The following SIK3 variants were observed in gnomAD, a reference collection of about 807,000 sequenced individuals.
SIK3 encodes the protein SIK family kinase 3.
In SIK3, 28 loss-of-function variants were observed where a neutral mutation model predicts 144.2. The observed-to-expected ratio is 0.19, with a 90% confidence interval of 0.14 to 0.27. The LOEUF is 0.27. Ranked by LOEUF, SIK3 falls within the 10% of genes least tolerant of loss-of-function variation. SIK3 has a pLI of 1.00. For missense variants in SIK3, 1,319 were observed against 1,776.0 expected, an observed-to-expected ratio of 0.74 and a Z score of 4.62; for synonymous variants, 686 against 676.3, an observed-to-expected ratio of 1.01 and a Z score of -0.22.
At chr11:117,032,543 A>T (rs1952307528) in intron 1 of SIK3, among the ~76,000 whole-genome samples, 1 of 152,082 alleles carries the variant, frequency 6.6e-6, no homozygotes, top group Admixed American at 6.6e-5. Flanking sequence ...TCTGTTGCCC[A>T]GGCTCCTGGC....
intron 1 of SIK3, among the ~76,000 whole-genome samples, chr11:117,019,772 C>T (rs138975985): frequency 0.07 from 10,716 of 152,008 alleles, 671 homozygotes; most frequent in African/African-American, 0.17. Context: ...TGCCACCACG[C>T]CCGGCTAATT....
At position 116,849,365 on chromosome 11, in the gene SIK3, A is replaced by G. The variant is rs1171231835; in HGVS notation, c.3656-82T>C. 7.8e-6 allele frequency: 12 copies of G among 1,541,270 alleles called. No homozygotes were observed. The stretch of plus-strand genomic sequence containing the variant: ...ACTCCCATCCAAGAAATGTCTTGCA[A>G]GGGACAATGGGCAAGGCTGAGGAGA... On this transcript the variant is annotated intron_variant, in intron 21 of 24. Transcript: ENST00000445177. This position sits in a 1 kb window ranked among gnomAD's most constrained non-coding sequence, Gnocchi z 4.2.
At chr11:116,863,279 T>A in intron 16 of SIK3, among the ~76,000 whole-genome samples, 1 of 152,024 alleles carries the variant, frequency 6.6e-6, no homozygotes, top group Non-Finnish European at 1.5e-5. Flanking sequence ...TAAGACAGAG[T>A]CTCGTTCTGT....
chr11:116,965,760 T>C (rs747072836), intron 1 of SIK3, among the ~76,000 whole-genome samples: 1 of 61,326 alleles, frequency 1.6e-5, no homozygotes, highest in Non-Finnish European at 4.1e-5. Context: ...TATATATATA[T>C]ATATATATAT....
At chr11:116,983,206 G>A (rs10128690) in intron 1 of SIK3, among the ~76,000 whole-genome samples, 10,437 of 145,396 alleles carry the variant, frequency 0.072, 445 homozygotes, top group Middle Eastern at 0.11. Flanking sequence ...CAGCCTGGGC[G>A]ACAGAGCGAG....
intron 4 of SIK3, among the ~76,000 whole-genome samples, chr11:116,901,095 C>T (rs916900322): frequency 1.3e-5 from 2 of 152,172 alleles, no homozygotes; most frequent in Non-Finnish European, 2.9e-5. Flanking sequence ...GAACTCCCGA[C>T]ATCAGGTGAT....
chr11:117,060,003 T>G (rs767992079), intron 1 of SIK3, among the ~76,000 whole-genome samples: 1 of 152,210 alleles, frequency 6.6e-6, no homozygotes, highest in Non-Finnish European at 1.5e-5. Flanking sequence ...TCTTTGGTAT[T>G]TAGCCAAATG....
chr11:117,052,735 T>C (rs1283444010), intron 1 of SIK3, among the ~76,000 whole-genome samples: 3 of 152,218 alleles, frequency 2.0e-5, no homozygotes, highest in East Asian at 3.8e-4. Context: ...CTACATGCTG[T>C]CAGTTACAAT....
At chr11:117,033,975 G>A (rs1455179558) in intron 1 of SIK3, among the ~76,000 whole-genome samples, 1 of 151,946 alleles carries the variant, frequency 6.6e-6, no homozygotes, top group Non-Finnish European at 1.5e-5. Context: ...TTTATGACAA[G>A]AAAAATAATC....
chr11:116,929,566 G>A (rs1020005602), intron 3 of SIK3, among the ~76,000 whole-genome samples: 2 of 152,214 alleles, frequency 1.3e-5, no homozygotes, highest in Non-Finnish European at 2.9e-5. Flanking sequence ...GCCAGAAGCT[G>A]CTGGAATGCA....
intron 1 of SIK3, among the ~76,000 whole-genome samples, chr11:117,018,823 T>C (rs1408444949): frequency 1.3e-5 from 2 of 152,072 alleles, no homozygotes; most frequent in African/African-American, 4.8e-5. Flanking sequence ...GTGATTCTCC[T>C]GCCTCAGCCT....
At chr11:117,034,985 C>G (rs1952431277) in intron 1 of SIK3, among the ~76,000 whole-genome samples, 1 of 152,194 alleles carries the variant, frequency 6.6e-6, no homozygotes, top group Non-Finnish European at 1.5e-5. Flanking sequence ...TGTTTTACAA[C>G]TGCAAATAAT....
intron 1 of SIK3, among the ~76,000 whole-genome samples, chr11:117,050,462 G>T (rs1953187386): frequency 6.6e-6 from 1 of 152,082 alleles, no homozygotes; most frequent in Non-Finnish European, 1.5e-5. Flanking sequence ...GAGGCGGGCA[G>T]ATCACTTGAG....
chr11:116,931,158 C>G (rs917822090), intron 3 of SIK3, among the ~76,000 whole-genome samples: 6 of 152,194 alleles, frequency 3.9e-5, no homozygotes, highest in Non-Finnish European at 8.8e-5. Flanking sequence ...GTAAGTGACA[C>G]TAAGAGATTT....
chr11:116,897,448 A>G, intron 4 of SIK3, 131 bp from the exon 5 acceptor site: 1 of 768,832 alleles, frequency 1.3e-6, no homozygotes, highest in Non-Finnish European at 2.1e-6. Context: ...ACATTTAGAA[A>G]CCACATAGCC....
chr11:116,990,475 C>A (rs1950465065), intron 1 of SIK3, among the ~76,000 whole-genome samples: 1 of 152,164 alleles, frequency 6.6e-6, no homozygotes, highest in Non-Finnish European at 1.5e-5. Flanking sequence ...CAAATCTGAA[C>A]TCAGAATACG....
chr11:116,846,718 T>C lies in SIK3; in HGVS notation c.3953-165A>G, dbSNP rs1203630302. On this transcript the variant is annotated intron_variant, in intron 23 of 24. Transcript: ENST00000445177. The surrounding 1 kb of genome is among the most constrained non-coding windows in gnomAD (Gnocchi z 4.1). ...AGGCCCTCAAGGTGTTGAGTGACGA[T>C]GGGCGGGGGCCAAGATTCTTCCTAT... Among the ~76,000 whole-genome samples, 1 of 152,220 alleles carries C rather than the reference T, an allele frequency of 6.6e-6. No individual in the cohort carries two copies. The highest frequency in any genetic ancestry group is 1.5e-5 in the Non-Finnish European group (1 of 68,040).
At chr11:117,006,972 C>T (rs1045417256) in intron 1 of SIK3, among the ~76,000 whole-genome samples, 1 of 152,182 alleles carries the variant, frequency 6.6e-6, no homozygotes, top group Non-Finnish European at 1.5e-5. Flanking sequence ...CCAAATTAAT[C>T]CAGGAATTGC....
At chr11:116,962,892 AC>A (rs1949398281) in intron 1 of SIK3, among the ~76,000 whole-genome samples, 1 of 151,972 alleles carries the variant, frequency 6.6e-6, no homozygotes, top group African/African-American at 2.4e-5. Flanking sequence ...ACCACTTTTT[AC>A]TTTTTTAATA....
Sources: gnomAD v4.1 joint callset for allele counts (sites outside exome capture counted in the v4.1 genomes callset) on GRCh38, gnomAD v4.1.1 for gene constraint, Gnocchi (gnomAD v3.1) non-coding constraint, MANE v1.5 for transcripts, NCBI Gene and HGNC (gene_info 2026-07-23, HGNC 2026-07-21) for gene names.